Variants in IKBKE observed in about 807,000 individuals in gnomAD.
IKBKE encodes the protein inhibitor of nuclear factor kappa-B kinase subunit epsilon.
IKBKE carries 45 observed loss-of-function variants against 92.1 expected under a neutral mutation model. The ratio of observed to expected loss-of-function variants is 0.49; its 90% CI spans 0.38 to 0.63. IKBKE has a LOEUF of 0.63. Among genes scored for constraint, IKBKE ranks in the 20% least tolerant of loss-of-function variants. The pLI is 0.00. For synonymous variants in IKBKE, 374 were observed against 380.3 expected, an observed-to-expected ratio of 0.98 and a Z score of 0.19; for missense variants, 700 against 932.8, an observed-to-expected ratio of 0.75 and a Z score of 3.25.
rs2103482068 is a variant in IKBKE, at chr1:206,490,861, G to A, written c.1733+3G>A. On this transcript the variant is annotated splice_donor_region_variant and intron_variant, in intron 17 of 21. Coordinates refer to ENST00000581977, the MANE Select transcript of IKBKE (RefSeq NM_014002.4). This position sits in a 1 kb window ranked among gnomAD's most constrained non-coding sequence, Gnocchi z 5.2. The stretch of plus-strand genomic sequence containing the variant: ...GAGCAGATTCACAAGCTGGATAAGT[G>A]AGTGGCCTGTCCTCCGGCAGGTGGG... The A allele has an allele frequency of 6.2e-7, 1 of 1,614,106 alleles. No homozygotes were observed. The highest frequency in any genetic ancestry group is 8.5e-7 in the Non-Finnish European group (1 of 1,179,964).
chr1:206,479,962 A>G, intron 11 of IKBKE, 28 bp downstream of exon 11: 1 of 1,613,218 alleles, frequency 6.2e-7, no homozygotes, highest in Non-Finnish European at 8.5e-7. Context: ...GGTGGCAGGG[A>G]GGGGCATGAC....
rs1558471493 is a variant in IKBKE, at chr1:206,473,212, CA to C, written c.-15del. The C allele has an allele frequency of 6.2e-7, 1 of 1,603,600 alleles. No homozygotes were observed. Among genetic ancestry groups the C allele is most frequent in the Admixed American group, 1.7e-5 (1 of 59,354 alleles). ...TTTCTCTAGGCAGAAGGTGACCAGC[CA>C]GCTCAGGGCAGGAGATGCAGAGCAC... On this transcript the variant is annotated 5_prime_UTR_variant, in exon 3 of 22. Transcript: ENST00000581977.
Position 206,496,833 on chromosome 1 carries a change from G to C in IKBKE, c.*688G>C, listed in dbSNP as rs1414465162. On this transcript the variant is annotated 3_prime_UTR_variant, in exon 22 of 22. Transcript: ENST00000581977. Reference sequence around the variant, plus strand: ...CATGCAGCCAGGACTGTGAGTCTGGGCAGGTCCAAGGCCTGCACCTTCAAG... The same window carrying C: ...CATGCAGCCAGGACTGTGAGTCTGGCCAGGTCCAAGGCCTGCACCTTCAAG... 3.9e-5 allele frequency: 9 copies of C among 230,586 alleles called. No individual in the cohort carries two copies. The highest frequency in any genetic ancestry group is 2.0e-4 in the African/African-American group (9 of 45,116). The allele number at this position is 230,586 out of a possible 1,614,324, so 14.3% of individuals were successfully genotyped here.
intron 3 of IKBKE, 65 bp from the exon 4 acceptor site, chr1:206,474,266 C>G: frequency 6.6e-7 from 1 of 1,506,340 alleles, no homozygotes; most frequent in Admixed American, 1.8e-5. Flanking sequence ...GGTGGCTGCT[C>G]CCCTGTGGGA....
Position 206,479,033 on chromosome 1 carries a change from C to T in IKBKE, c.1083C>T (p.Leu361=), listed in dbSNP as rs138984830. The part of the protein sequence containing the change: ...EYLFEGHLCV[L]EPSVSAQHIA... Reference sequence around the variant, plus strand: ...TCTTTGAGGGTCACCTCTGTGTCCTCGAGCCCAGCGTCTCAGCACAGCACA... The same window carrying T: ...TCTTTGAGGGTCACCTCTGTGTCCTTGAGCCCAGCGTCTCAGCACAGCACA... Residue 361 remains leucine, a synonymous_variant, in exon 10 of 22, where the codon CTC becomes CTT. Coordinates refer to ENST00000581977, the MANE Select transcript of IKBKE (RefSeq NM_014002.4). The T allele has an allele frequency of 8.6e-5, 139 of 1,614,038 alleles. No homozygotes were observed. The highest frequency in any genetic ancestry group is 1.1e-4 in the Non-Finnish European group (130 of 1,180,008).
In IKBKE at chr1:206,476,138, T is replaced by A. The variant is rs782072762; in HGVS notation, c.359-43T>A. On this transcript the variant is annotated intron_variant, in intron 5 of 21. Coordinates refer to ENST00000581977, the MANE Select transcript of IKBKE (RefSeq NM_014002.4). The surrounding 1 kb of genome is among the most constrained non-coding windows in gnomAD (Gnocchi z 5.1). ...AAGATGAGCCTCAGACACTAGACTGTCCCCGACCAGAGCCAGCTAGTGGCC... is the reference window on the plus strand; with the variant it reads ...AAGATGAGCCTCAGACACTAGACTGACCCCGACCAGAGCCAGCTAGTGGCC... 1.9e-6 allele frequency: 3 copies of A among 1,599,292 alleles called. No individual in the cohort carries two copies. The highest frequency in any genetic ancestry group is 2.6e-6 in the Non-Finnish European group (3 of 1,169,138).
chr1:206,472,322 G>C (rs782569433), intron 2 of IKBKE, among the ~76,000 whole-genome samples: 2 of 152,010 alleles, frequency 1.3e-5, no homozygotes, highest in Non-Finnish European at 2.9e-5. Context: ...TCTGTCCCCA[G>C]GTATCCCAAA....
chr1:206,486,532 C>A (rs1324798244), intron 15 of IKBKE, among the ~76,000 whole-genome samples: 6 of 151,392 alleles, frequency 4.0e-5, no homozygotes, highest in African/African-American at 1.5e-4. Flanking sequence ...AGGCCCCATC[C>A]TTTTGGATGA....
At position 206,493,314 on chromosome 1, in the gene IKBKE, G is replaced by A. The variant is rs1553391174; in HGVS notation, c.1981G>A (p.Ala661Thr). Reference sequence around the variant, plus strand: ...GCTCCTTCAGGACCGAGCAAAGGGGGCTCAGGCCTCGCCGCCTCCCATAGC... The same window carrying A: ...GCTCCTTCAGGACCGAGCAAAGGGGACTCAGGCCTCGCCGCCTCCCATAGC... ...HQLLQDRAKG[A>T]QASPPPIAPY... The change falls in exon 20 of 22, where the codon GCT becomes ACT. Residue 661 changes from alanine (A) to threonine (T), a missense_variant. By Grantham distance (58) the Ala-to-Thr change is moderately conservative (BLOSUM62 0). Transcript: ENST00000581977. 2 of 1,614,016 alleles carry A rather than the reference G, an allele frequency of 1.2e-6. No individual in the cohort carries two copies. The highest frequency in any genetic ancestry group is 8.5e-7 in the Non-Finnish European group (1 of 1,180,032).
At position 206,496,216 on chromosome 1, in the gene IKBKE, C is replaced by A; in HGVS notation, c.*71C>A. On this transcript the variant is annotated 3_prime_UTR_variant, in exon 22 of 22. Coordinates refer to ENST00000581977, the MANE Select transcript of IKBKE (RefSeq NM_014002.4). ...AACACTGCTCTTCTGCACCATGAGA[C>A]CAACCCAGGGCAAGATCCCATCCCA... 1 of 1,301,370 alleles carries A rather than the reference C, an allele frequency of 7.7e-7. No homozygotes were observed. The highest frequency in any genetic ancestry group is 1.1e-6 in the Non-Finnish European group (1 of 894,194). The allele number at this position is 1,301,370 out of a possible 1,614,324, so 80.6% of individuals were successfully genotyped here. A position where few individuals can be genotyped will look rare whatever the true frequency, so the allele number is the denominator to read the frequency against.
chr1:206,476,303 G>T lies in IKBKE; in HGVS notation c.481G>T (p.Ala161Ser). The stretch of plus-strand genomic sequence containing the variant: ...CTACAAGCTGACAGACTTCGGCGCT[G>T]CCCGGGAGCTGGATGATGATGAGAA... ...SIYKLTDFGAARELDDDEKFV... is the reference protein window; with the variant it reads ...SIYKLTDFGASRELDDDEKFV... The change falls in exon 6 of 22, where the codon GCC (alanine) becomes TCC (serine). Residue 161 changes from alanine to serine, a missense_variant. Coordinates refer to ENST00000581977, the MANE Select transcript of IKBKE (RefSeq NM_014002.4). The surrounding 1 kb of genome is among the most constrained non-coding windows in gnomAD (Gnocchi z 5.1). 3 of 1,614,134 alleles carry T rather than the reference G, an allele frequency of 1.9e-6. No homozygotes were observed. The highest frequency in any genetic ancestry group is 2.5e-6 in the Non-Finnish European group (3 of 1,180,004).
chr1:206,477,899 G>T (rs2103458638), intron 8 of IKBKE, 40 bp downstream of exon 8: 1 of 1,342,008 alleles, frequency 7.5e-7, no homozygotes, highest in East Asian at 2.5e-5. Context: ...TGGAGTCTGA[G>T]CTGGGTGTCA....
In IKBKE at chr1:206,485,872, C is replaced by T. The variant is rs187547300; in HGVS notation, c.1616+566C>T. On this transcript the variant is annotated intron_variant, in intron 15 of 21. Coordinates refer to ENST00000581977, the MANE Select transcript of IKBKE (RefSeq NM_014002.4). This position sits in a 1 kb window ranked among gnomAD's most constrained non-coding sequence, Gnocchi z 5.0. Reference sequence around the variant, plus strand: ...TCCCTTTTAACAGACATAAAAATACCCCCCTCCCCCAGGCCCCAGCTGACT... The same window carrying T: ...TCCCTTTTAACAGACATAAAAATACTCCCCTCCCCCAGGCCCCAGCTGACT... Among the ~76,000 whole-genome samples the T allele has an allele frequency of 4.5e-4, 69 of 152,284 alleles. No homozygotes were observed. Among genetic ancestry groups the T allele is most frequent in the African/African-American group, 1.3e-3 (54 of 41,558 alleles).
rs1328980590 is a variant in IKBKE at position 206,476,329 on chromosome 1, G to A, written c.507G>A (p.Lys169=). ...GAARELDDDE[K]FVSVYGTEEY... ...CCCGGGAGCTGGATGATGATGAGAA[G>A]TTCGTCTCGGTCTATGGGACTGAGG... Residue 169 remains lysine, a synonymous_variant, in exon 6 of 22, where the codon AAG becomes AAA. Coordinates refer to ENST00000581977, the MANE Select transcript of IKBKE (RefSeq NM_014002.4). The surrounding 1 kb of genome is among the most constrained non-coding windows in gnomAD (Gnocchi z 5.1). The A allele has an allele frequency of 6.2e-7, 1 of 1,613,774 alleles. No homozygotes were observed. The highest frequency in any genetic ancestry group is 8.5e-7 in the Non-Finnish European group (1 of 1,179,750).
chr1:206,478,803 A>C lies in IKBKE; in HGVS notation c.993-140A>C. Reference sequence around the variant, plus strand: ...TTGGTCTCTCCACCCTTGATGACAGAGAAAACCACCCCCGTCCCTCCCTCT... The same window carrying C: ...TTGGTCTCTCCACCCTTGATGACAGCGAAAACCACCCCCGTCCCTCCCTCT... On this transcript the variant is annotated intron_variant, in intron 9 of 21. Transcript: ENST00000581977. This position sits in a 1 kb window ranked among gnomAD's most constrained non-coding sequence, Gnocchi z 4.8. The C allele has an allele frequency of 1.4e-6, 1 of 716,682 alleles. No individual in the cohort carries two copies. Among genetic ancestry groups the C allele is most frequent in the Non-Finnish European group, 2.5e-6 (1 of 402,682 alleles). The allele number at this position is 716,682 out of a possible 1,614,324, so 44.4% of individuals were successfully genotyped here. A position where few individuals can be genotyped will look rare whatever the true frequency, so the allele number is the denominator to read the frequency against.
intron 16 of IKBKE, among the ~76,000 whole-genome samples, chr1:206,489,110 G>C (rs1417227374): frequency 6.6e-6 from 1 of 151,546 alleles, no homozygotes; most frequent in Non-Finnish European, 1.5e-5. Flanking sequence ...CATGATCACT[G>C]CTCACTGTCG....
chr1:206,481,185 A>T (rs1233195313), intron 13 of IKBKE, among the ~76,000 whole-genome samples: 24 of 152,214 alleles, frequency 1.6e-4, no homozygotes, highest in Admixed American at 1.6e-3. Flanking sequence ...AAGTAGGCAC[A>T]GCACCCCAAA....
rs190410368 is a variant in IKBKE at position 206,484,877 on chromosome 1, G to A, written c.1428-120G>A. ...AAACACAAAACTTCCCAGAGACCCG[G>A]AGAGCCACCAAGGCTGTCCCACAGA... On this transcript the variant is annotated intron_variant, in intron 13 of 21. Coordinates refer to ENST00000581977, the MANE Select transcript of IKBKE (RefSeq NM_014002.4). The A allele has an allele frequency of 7.7e-6, 6 of 778,778 alleles. No individual in the cohort carries two copies. In the African/African-American group the frequency reaches 8.6e-5, roughly 11 times the overall value. The allele number at this position is 778,778 out of a possible 1,614,324, so 48.2% of individuals were successfully genotyped here. A position where few individuals can be genotyped will look rare whatever the true frequency, so the allele number is the denominator to read the frequency against.
At chr1:206,483,453 C>T (rs561495906) in intron 13 of IKBKE, among the ~76,000 whole-genome samples, 151 of 152,306 alleles carry the variant, frequency 9.9e-4, no homozygotes, top group South Asian at 2.1e-3. Context: ...TACCATGTGC[C>T]GAACACGTTG....
Sources: allele counts gnomAD v4.1 joint callset (sites outside exome capture counted in the v4.1 genomes callset), GRCh38; gene constraint gnomAD v4.1.1; non-coding constraint Gnocchi (gnomAD v3.1); transcripts MANE v1.5; gene names NCBI Gene and HGNC (gene_info 2026-07-23, HGNC 2026-07-21).